The following THSD7B variants were observed in gnomAD, a reference collection of about 807,000 sequenced individuals.
THSD7B encodes the protein thrombospondin type-1 domain-containing protein 7B.
THSD7B carries 138 observed loss-of-function variants against 213.6 expected under a neutral mutation model. The observed-to-expected ratio is 0.65, with a 90% CI of 0.56 to 0.74. The LOEUF (loss-of-function observed/expected upper bound fraction) is 0.74, where lower values mean the gene tolerates loss of function less well. Among genes scored for constraint, THSD7B ranks in the 30% least tolerant of loss-of-function variants. The pLI is 0.00. For synonymous variants in THSD7B, 742 were observed against 687.0 expected (o/e 1.08, Z -1.25); for missense variants, 1,931 against 1,991.5 (o/e 0.97, Z 0.58).
intron 7 of THSD7B, among the ~76,000 whole-genome samples, chr2:137,196,952 A>G (rs1462909319): frequency 1.3e-5 from 2 of 152,192 alleles, no homozygotes; most frequent in African/African-American, 4.8e-5. Context: ...TCCTGTTACG[A>G]TGCCCTAAGA....
chr2:136,897,370 G>A (rs952247743), intron 2 of THSD7B, among the ~76,000 whole-genome samples: 2 of 151,898 alleles, frequency 1.3e-5, no homozygotes, highest in Non-Finnish European at 2.9e-5. Context: ...TCGTGGTCTC[G>A]CTGACTTCAG....
rs547410571 is a variant in THSD7B at position 136,919,094 on chromosome 2, A to G, written c.139+36777A>G. 2.6e-5 allele frequency among the ~76,000 whole-genome samples: 4 copies of G among 152,304 alleles called. 1 individual carries two copies. In the South Asian group the frequency reaches 8.3e-4, roughly 32 times the overall value. Reference sequence around the variant, plus strand: ...GTTTCCCAAACCCCAAAGTGAAACAATTTCCCAAATGATGTGTTCCTTAAA... The same window carrying G: ...GTTTCCCAAACCCCAAAGTGAAACAGTTTCCCAAATGATGTGTTCCTTAAA... On this transcript the variant is annotated intron_variant, in intron 2 of 27. Coordinates refer to ENST00000409968, the MANE Select transcript of THSD7B (RefSeq NM_001316349.2).
At chr2:137,078,238 G>A (rs920235518) in intron 3 of THSD7B, among the ~76,000 whole-genome samples, 16 of 152,214 alleles carry the variant, frequency 1.1e-4, no homozygotes, top group African/African-American at 3.4e-4. Context: ...GCCTTGTAGT[G>A]TAGTTTGAAG....
chr2:137,648,114 G>C (rs560764343), intron 21 of THSD7B, among the ~76,000 whole-genome samples: 156 of 152,172 alleles, frequency 1.0e-3, no homozygotes, highest in African/African-American at 3.6e-3. Flanking sequence ...ATACATAATA[G>C]ATGTATATAT....
At chr2:137,405,198 C>CCA (rs1553447353) in intron 12 of THSD7B, among the ~76,000 whole-genome samples, 8 of 140,316 alleles carry the variant, frequency 5.7e-5, no homozygotes, top group Non-Finnish European at 1.2e-4. Context: ...TCTAAACAAG[C>CCA]AAAAAAAAAA....
At chr2:136,994,529 T>C (rs1685846553) in intron 2 of THSD7B, among the ~76,000 whole-genome samples, 1 of 152,182 alleles carries the variant, frequency 6.6e-6, no homozygotes, top group Admixed American at 6.5e-5. Context: ...ATCGCACCAC[T>C]GCACTCCAGC....
chr2:136,837,045 G>C (rs993890432), intron 1 of THSD7B, among the ~76,000 whole-genome samples: 9 of 152,112 alleles, frequency 5.9e-5, no homozygotes, highest in African/African-American at 2.2e-4. Context: ...AATCCCAGCA[G>C]GTCACTGCTA....
chr2:137,063,117 T>C lies in THSD7B; in HGVS notation c.950+5887T>C, dbSNP rs147710654. Among the ~76,000 whole-genome samples, 978 of 151,928 alleles carry C rather than the reference T, an allele frequency of 6.4e-3. 11 individuals carry two copies. Among genetic ancestry groups the C allele is most frequent in the African/African-American group, 0.022 (931 of 41,514 alleles). ...AATTCTCCATTGTCTGGAATTATGA[T>C]ACCTACTCCACCTTTTTTTGATTAA... On this transcript the variant is annotated intron_variant, in intron 3 of 27. Transcript: ENST00000409968.
chr2:137,400,703 A>G (rs895770678), intron 12 of THSD7B, among the ~76,000 whole-genome samples: 5 of 152,194 alleles, frequency 3.3e-5, no homozygotes, highest in African/African-American at 9.7e-5. Flanking sequence ...CCTCCAGACC[A>G]GTAGGTGGCT....
rs892959068 is a variant in THSD7B at position 137,620,869 on chromosome 2, C to T, written c.3799+143C>T. On this transcript the variant is annotated intron_variant, in intron 20 of 27. Transcript: ENST00000409968. ...ACCCACAGGGGAAGAAAAACAGAGC[C>T]TGGCCTCATATCAGTCCAGGAGAGT... 1.4e-5 allele frequency: 9 copies of T among 651,544 alleles called. No individual in the cohort carries two copies. In the African/African-American group the frequency reaches 1.6e-4, roughly 12 times the overall value. The allele number at this position is 651,544 out of a possible 1,614,324, so 40.4% of individuals were successfully genotyped here.
chr2:137,568,432 C>T (rs1681284992), intron 16 of THSD7B, among the ~76,000 whole-genome samples: 1 of 152,050 alleles, frequency 6.6e-6, no homozygotes, highest in Admixed American at 6.5e-5. Context: ...CTAGTAAAGC[C>T]TCTTATTAAA....
At chr2:137,061,329 C>G (rs1446890467) in intron 3 of THSD7B, among the ~76,000 whole-genome samples, 1 of 150,028 alleles carries the variant, frequency 6.7e-6, no homozygotes, top group Non-Finnish European at 1.5e-5. Flanking sequence ...TTATTGCTTT[C>G]TTTCCAATCT....
chr2:137,553,278 C>T (rs1485944740), intron 15 of THSD7B, among the ~76,000 whole-genome samples: 1 of 152,088 alleles, frequency 6.6e-6, no homozygotes, highest in African/African-American at 2.4e-5. Context: ...AAGGCAGAAG[C>T]TGTAAATTTT....
intron 2 of THSD7B, among the ~76,000 whole-genome samples, chr2:136,925,509 C>A (rs1684508415): frequency 1.3e-5 from 2 of 152,266 alleles, no homozygotes; most frequent in South Asian, 4.1e-4. Flanking sequence ...TCCTTGAATT[C>A]TTGGTATAAA....
chr2:137,558,312 T>C (rs961123654), intron 15 of THSD7B, among the ~76,000 whole-genome samples: 1 of 152,064 alleles, frequency 6.6e-6, no homozygotes, highest in African/African-American at 2.4e-5. Flanking sequence ...CAAAAATCCT[T>C]AATAAAATAC....
chr2:137,235,905 T>C (rs984874663), intron 9 of THSD7B, among the ~76,000 whole-genome samples: 1 of 152,198 alleles, frequency 6.6e-6, no homozygotes, highest in Non-Finnish European at 1.5e-5. Flanking sequence ...CTAGTTTTAA[T>C]TCTGACTGTA....
chr2:137,428,387 TCA>T (rs1469373808), intron 14 of THSD7B, among the ~76,000 whole-genome samples: 3 of 152,164 alleles, frequency 2.0e-5, no homozygotes, highest in Non-Finnish European at 4.4e-5. Context: ...TGAAAAATCA[TCA>T]GTTTCTCACA....
At chr2:136,825,718 A>ATTTTTTTTTTTTTTGTTTTGT (rs759978910) in intron 1 of THSD7B, among the ~76,000 whole-genome samples, 2 of 116,896 alleles carry the variant, frequency 1.7e-5, no homozygotes, top group Admixed American at 9.8e-5. Flanking sequence ...TGCCTGGCTA[A>ATTTTTTTTTTTTTTGTTTTGT]TTTTTTTTTT....
At chr2:137,371,759 TG>T (rs1292974055) in intron 12 of THSD7B, among the ~76,000 whole-genome samples, 1 of 152,146 alleles carries the variant, frequency 6.6e-6, no homozygotes, top group Non-Finnish European at 1.5e-5. Context: ...TCTATTGAAT[TG>T]TTTTTTTAAT....
Sources: gnomAD v4.1 joint callset for allele counts (sites outside exome capture counted in the v4.1 genomes callset) on GRCh38, gnomAD v4.1.1 for gene constraint, MANE v1.5 for transcripts, NCBI Gene and HGNC (gene_info 2026-07-23, HGNC 2026-07-21) for gene names.